Variants in POU6F2 observed in about 807,000 individuals in gnomAD.
The protein encoded by POU6F2 is POU domain, class 6, transcription factor 2.
POU6F2 carries 31 observed loss-of-function variants against 71.3 expected under a neutral mutation model. The ratio of observed to expected loss-of-function variants is 0.43; its 90% CI spans 0.33 to 0.59. POU6F2 has a LOEUF of 0.59. Ranked by LOEUF, POU6F2 falls within the 20% of genes least tolerant of loss-of-function variation. The pLI is 0.04. For synonymous variants in POU6F2, 347 were observed against 355.7 expected (o/e 0.98, Z 0.27); for missense variants, 783 against 856.8 (o/e 0.91, Z 1.07).
intron 5 of POU6F2, among the ~76,000 whole-genome samples, chr7:39,355,647 C>T (rs1350582060): frequency 6.6e-6 from 1 of 152,038 alleles, no homozygotes; most frequent in Non-Finnish European, 1.5e-5. Context: ...TCAAAAAGAA[C>T]GAAAAAGAAA....
At chr7:39,220,618 G>T (rs1243070732) in intron 4 of POU6F2, among the ~76,000 whole-genome samples, 1 of 152,056 alleles carries the variant, frequency 6.6e-6, no homozygotes, top group Admixed American at 6.6e-5. Flanking sequence ...CATGGATCAT[G>T]GTAATTAATA....
Position 39,406,625 on chromosome 7 carries a change from AGGCTGCAGC to A in POU6F2, c.1008_1016del (p.Ala338_Ala340del), listed in dbSNP as rs760205418. The A allele has an allele frequency of 1.2e-6, 2 of 1,613,492 alleles. No homozygotes were observed. The highest frequency in any genetic ancestry group is 1.1e-5 in the South Asian group (1 of 91,064). On this transcript the variant is annotated inframe_deletion, in exon 6 of 10. Coordinates refer to ENST00000518318, the MANE Select transcript of POU6F2 (RefSeq NM_001370959.1). ...CTGGTTAATAATCCACTAGCAAGTC[AGGCTGCAGC>A]GGCTGCAGCAGCCATGAGCTCCATA... is the stretch of plus-strand genomic sequence containing the variant.
intron 4 of POU6F2, among the ~76,000 whole-genome samples, chr7:39,280,910 G>T (rs1434777714): frequency 2.6e-5 from 4 of 152,174 alleles, no homozygotes; most frequent in African/African-American, 9.7e-5. Flanking sequence ...AGACACTAGC[G>T]AATTTCCAAA....
At chr7:39,382,369 T>C (rs924415677) in intron 5 of POU6F2, among the ~76,000 whole-genome samples, 2 of 151,858 alleles carry the variant, frequency 1.3e-5, no homozygotes, top group African/African-American at 4.8e-5. Flanking sequence ...GGTCATCCAA[T>C]AGAAAGAGAG....
rs1208285903 is a variant in POU6F2 at position 39,267,648 on chromosome 7, T to TC, written c.598+60028_598+60029insC. 3.3e-5 allele frequency among the ~76,000 whole-genome samples: 5 copies of TC among 152,034 alleles called. No homozygotes were observed. The East Asian group carries it at 9.6e-4, about 29-fold the overall frequency. On this transcript the variant is annotated intron_variant, in intron 4 of 9. Transcript: ENST00000518318. Reference sequence around the variant, plus strand: ...TTAAAAATATTTTATTTATTTTTTTTTTTTAGAGGCAAGGTCTTGCTATGT... The same window carrying TC: ...TTAAAAATATTTTATTTATTTTTTTTCTTTTAGAGGCAAGGTCTTGCTATGT...
chr7:39,104,723 T>A (rs568947473), intron 2 of POU6F2, among the ~76,000 whole-genome samples: 2 of 152,254 alleles, frequency 1.3e-5, no homozygotes, highest in Non-Finnish European at 2.9e-5. Flanking sequence ...CTACTTTTGA[T>A]AAGTGTCAAC....
chr7:39,394,740 G>A (rs79294434), intron 5 of POU6F2, among the ~76,000 whole-genome samples: 2,776 of 152,182 alleles, frequency 0.018, 73 homozygotes, highest in East Asian at 0.11. Context: ...CCAGGATTGA[G>A]CTGCTATCAG....
At chr7:39,016,001 T>G (rs1342692804) in intron 1 of POU6F2, among the ~76,000 whole-genome samples, 1 of 38,600 alleles carries the variant, frequency 2.6e-5, no homozygotes, top group African/African-American at 8.7e-5. Context: ...AATATATAGA[T>G]ATATATTATA....
chr7:39,386,352 T>C (rs1453016988), intron 5 of POU6F2, among the ~76,000 whole-genome samples: 1 of 152,154 alleles, frequency 6.6e-6, no homozygotes, highest in East Asian at 1.9e-4. Context: ...CACCTGGAAC[T>C]CTATCTAGGT....
chr7:38,991,658 A>G (rs1788606309), intron 1 of POU6F2, among the ~76,000 whole-genome samples: 1 of 152,066 alleles, frequency 6.6e-6, no homozygotes, highest in South Asian at 2.1e-4. Context: ...GCCTCCTCCC[A>G]CCTTTCTTTA....
At chr7:39,094,606 C>G (rs1275533932) in intron 2 of POU6F2, among the ~76,000 whole-genome samples, 2 of 152,024 alleles carry the variant, frequency 1.3e-5, no homozygotes, top group Non-Finnish European at 2.9e-5. Context: ...TTCATGACCA[C>G]ATATGTGGTG....
intron 1 of POU6F2, among the ~76,000 whole-genome samples, chr7:39,021,194 A>G (rs931354520): frequency 2.6e-5 from 4 of 151,954 alleles, no homozygotes; most frequent in African/African-American, 7.2e-5. Context: ...TATGCTTACA[A>G]TGTGGAATGA....
In POU6F2 at chr7:39,457,409, T is replaced by C. The variant is rs566827319; in HGVS notation, c.1490-3138T>C. ...CCGCTGATTCCCAGATCTTGGCCAC[T>C]TGCCATAAGTAGTGACAGTGGGGTA... On this transcript the variant is annotated intron_variant, in intron 8 of 9. Transcript: ENST00000518318. Among the ~76,000 whole-genome samples, 11 of 152,310 alleles carry C rather than the reference T, an allele frequency of 7.2e-5. No homozygotes were observed. The East Asian group carries it at 1.9e-3, about 27-fold the overall frequency.
chr7:39,098,835 T>C (rs555388112), intron 2 of POU6F2, among the ~76,000 whole-genome samples: 2 of 152,224 alleles, frequency 1.3e-5, no homozygotes, highest in East Asian at 3.9e-4. Flanking sequence ...TTGTTAAGAG[T>C]TGAAAATGTA....
chr7:39,249,555 C>T (rs1453956156), intron 4 of POU6F2, among the ~76,000 whole-genome samples: 1 of 152,210 alleles, frequency 6.6e-6, no homozygotes, highest in African/African-American at 2.4e-5. Flanking sequence ...TCAGTTAGGA[C>T]ATTTTGCTTG....
At chr7:39,403,678 G>A (rs1466368446) in intron 5 of POU6F2, among the ~76,000 whole-genome samples, 2 of 152,192 alleles carry the variant, frequency 1.3e-5, no homozygotes, top group African/African-American at 4.8e-5. Flanking sequence ...TATGACTGGG[G>A]ACAATACAGA....
At chr7:39,341,400 C>T (rs1583538203) in intron 5 of POU6F2, among the ~76,000 whole-genome samples, 1 of 152,106 alleles carries the variant, frequency 6.6e-6, no homozygotes, top group East Asian at 1.9e-4. Context: ...CAACGTAACA[C>T]CTTTGACCTA....
intron 2 of POU6F2, among the ~76,000 whole-genome samples, chr7:39,200,758 C>T (rs1199131379): frequency 6.6e-6 from 1 of 151,940 alleles, no homozygotes; most frequent in East Asian, 1.9e-4. Flanking sequence ...GCCTAAAATC[C>T]CAGCACTTTG....
At chr7:39,101,800 A>G (rs535926353) in intron 2 of POU6F2, among the ~76,000 whole-genome samples, 1 of 152,346 alleles carries the variant, frequency 6.6e-6, no homozygotes, top group African/African-American at 2.4e-5. Flanking sequence ...TCCACAATGT[A>G]TACATATAAC....
Sources: gnomAD v4.1 joint callset for allele counts (sites outside exome capture counted in the v4.1 genomes callset) on GRCh38, gnomAD v4.1.1 for gene constraint, MANE v1.5 for transcripts, NCBI Gene and HGNC (gene_info 2026-07-23, HGNC 2026-07-21) for gene names.